CRB1: variants seen among roughly 807,000 people sequenced by gnomAD.
CRB1 encodes protein crumbs homolog 1.
In CRB1, 83 loss-of-function variants were observed where a neutral mutation model predicts 120.0. The observed-to-expected ratio is 0.69, with a 90% CI of 0.58 to 0.83. The LOEUF (loss-of-function observed/expected upper bound fraction) is 0.83, where lower values mean the gene tolerates loss of function less well. Ranked by LOEUF, CRB1 falls within the 40% of genes least tolerant of loss-of-function variation. The pLI is 0.00. For missense variants in CRB1, 1,699 were observed against 1,687.6 expected, an observed-to-expected ratio of 1.01 and a Z score of -0.12; for synonymous variants, 625 against 612.5, an observed-to-expected ratio of 1.02 and a Z score of -0.30.
chr1:197,236,794 G>A, the CRB1 span, among the ~76,000 whole-genome samples: 1 of 152,228 alleles, frequency 6.6e-6, no homozygotes, highest in African/African-American at 2.4e-5. Context: ...CTATAAGCCT[G>A]TTGATGTGGT....
rs1441469684 is a variant in CRB1 at position 197,347,486 on chromosome 1, G to A, written c.988+7G>A. The A allele has an allele frequency of 6.2e-7, 1 of 1,613,816 alleles. No homozygotes were observed. The highest frequency in any genetic ancestry group is 2.2e-5 in the East Asian group (1 of 44,870). Reference sequence around the variant, plus strand: ...ACTTGTCACTGCTGGCCTGGTGAGTGACAAAATACCTTCCACCAATTATTT... The same window carrying A: ...ACTTGTCACTGCTGGCCTGGTGAGTAACAAAATACCTTCCACCAATTATTT... On this transcript the variant is annotated splice_region_variant and intron_variant, in intron 4 of 11. Coordinates refer to ENST00000367400, the MANE Select transcript of CRB1 (RefSeq NM_201253.3).
chr1:197,390,376 C>T (rs1662437336), intron 5 of CRB1, among the ~76,000 whole-genome samples: 2 of 152,056 alleles, frequency 1.3e-5, no homozygotes, highest in South Asian at 4.1e-4. Context: ...TCCCATATGC[C>T]CTCGCTTAGT....
intron 8 of CRB1, 136 bp downstream of exon 8, chr1:197,429,750 G>T: frequency 2.2e-6 from 2 of 902,960 alleles, no homozygotes; most frequent in Non-Finnish European, 3.3e-6. Context: ...TATGCGAGTA[G>T]GCTAATACTG....
chr1:197,454,418 T>G (rs1666181028), intron 11 of CRB1, among the ~76,000 whole-genome samples: 1 of 152,190 alleles, frequency 6.6e-6, no homozygotes, highest in African/African-American at 2.4e-5. Context: ...TCCTTTCATC[T>G]TTTCATACAT....
chr1:197,206,060 C>A, the CRB1 span, among the ~76,000 whole-genome samples: 3 of 151,896 alleles, frequency 2.0e-5, no homozygotes, highest in Non-Finnish European at 2.9e-5. Flanking sequence ...TACACAGTAG[C>A]CTTCAATGAT....
At chr1:197,252,996 T>A in the CRB1 span, among the ~76,000 whole-genome samples, 1 of 151,960 alleles carries the variant, frequency 6.6e-6, no homozygotes, top group Admixed American at 6.6e-5. Context: ...CACAGACACA[T>A]CCAGAAAGTA....
chr1:197,433,863 GT>G (rs1300521870), intron 8 of CRB1, among the ~76,000 whole-genome samples: 1 of 152,136 alleles, frequency 6.6e-6, no homozygotes, highest in Non-Finnish European at 1.5e-5. Context: ...ATAGAATGCA[GT>G]GTGGATCCAA....
chr1:197,462,303 C>A (rs1265122484), intron 11 of CRB1, among the ~76,000 whole-genome samples: 1 of 152,078 alleles, frequency 6.6e-6, no homozygotes, highest in Non-Finnish European at 1.5e-5. Context: ...ATATATCTTA[C>A]ATATAGTGGA....
chr1:197,223,829 A>G, the CRB1 span, among the ~76,000 whole-genome samples: 6 of 152,146 alleles, frequency 3.9e-5, no homozygotes, highest in African/African-American at 1.2e-4. Flanking sequence ...ACCTTCTTCA[A>G]GTTTGGTGAC....
chr1:197,341,616 C>T (rs1046967648), intron 2 of CRB1, among the ~76,000 whole-genome samples: 33 of 152,166 alleles, frequency 2.2e-4, no homozygotes, highest in African/African-American at 7.7e-4. Flanking sequence ...TATGTGAAAA[C>T]GTCACAGGGA....
intron 4 of CRB1, among the ~76,000 whole-genome samples, chr1:197,353,814 T>TA (rs57274486): frequency 0.016 from 1,397 of 89,452 alleles, 35 homozygotes; most frequent in East Asian, 0.12. Context: ...AATATATAAA[T>TA]AAAAAAAAAA....
At chr1:197,227,118 A>G in the CRB1 span, among the ~76,000 whole-genome samples, 2 of 152,234 alleles carry the variant, frequency 1.3e-5, no homozygotes, top group Admixed American at 6.5e-5. Flanking sequence ...TTCAAAACCA[A>G]TCATGCCTTC....
chr1:197,420,675 G>A (rs1047821067), intron 5 of CRB1, among the ~76,000 whole-genome samples: 5 of 152,126 alleles, frequency 3.3e-5, no homozygotes, highest in Non-Finnish European at 5.9e-5. Flanking sequence ...TGCCAAGAGC[G>A]ATCTTTTTTC....
the CRB1 span, among the ~76,000 whole-genome samples, chr1:197,254,543 C>T: frequency 6.6e-6 from 1 of 152,064 alleles, no homozygotes; most frequent in South Asian, 2.1e-4. Flanking sequence ...GCTATTTCTA[C>T]TTCTCTGTAG....
At chr1:197,450,233 G>A (rs1271639334) in intron 11 of CRB1, among the ~76,000 whole-genome samples, 1 of 152,150 alleles carries the variant, frequency 6.6e-6, no homozygotes, top group Non-Finnish European at 1.5e-5. Flanking sequence ...TTTTAAGAAG[G>A]TAATCTGAGA....
intron 1 of CRB1, among the ~76,000 whole-genome samples, chr1:197,308,075 GTA>G (rs76696884): frequency 0.077 from 11,648 of 152,030 alleles, 662 homozygotes; most frequent in Admixed American, 0.16. Flanking sequence ...AATAAAATGG[GTA>G]TATATATACC....
intron 5 of CRB1, among the ~76,000 whole-genome samples, chr1:197,407,502 A>G (rs1005054275): frequency 2.0e-5 from 3 of 152,208 alleles, no homozygotes; most frequent in Admixed American, 2.0e-4. Flanking sequence ...TGTCTCTGAA[A>G]GTGTTTTATT....
At chr1:197,304,475 A>T in intron 1 of CRB1, 2 of 733,094 alleles carry the variant, frequency 2.7e-6, no homozygotes, top group Non-Finnish European at 3.3e-6. Context: ...CATATTCTTC[A>T]TCTAAAGTTA....
chr1:197,235,281 A>G, the CRB1 span, among the ~76,000 whole-genome samples: 8 of 152,266 alleles, frequency 5.3e-5, no homozygotes, highest in African/African-American at 1.7e-4. Flanking sequence ...CTTGGGTCCC[A>G]TTAATTAAGC....
Sources: gnomAD v4.1 joint callset for allele counts (sites outside exome capture counted in the v4.1 genomes callset) on GRCh38, gnomAD v4.1.1 for gene constraint, MANE v1.5 for transcripts, NCBI Gene and HGNC (gene_info 2026-07-23, HGNC 2026-07-21) for gene names.